The following KCNK12 variants were observed in gnomAD, a reference collection of about 807,000 sequenced individuals.
KCNK12 encodes the protein potassium two pore domain channel subfamily K member 12.
Under a neutral mutation model 25.3 loss-of-function variants are expected in KCNK12, and 6 were observed. The ratio of observed to expected loss-of-function variants is 0.24; its 90% confidence interval spans 0.13 to 0.47. The LOEUF (loss-of-function observed/expected upper bound fraction) is 0.47, where lower values mean the gene tolerates loss of function less well. KCNK12 is among the 20% of genes least tolerant of loss of function. The probability of loss-of-function intolerance (pLI) is 0.99; values close to 1 mark genes in which losing one functional copy is unlikely to be tolerated. For synonymous variants in KCNK12, 331 were observed against 311.1 expected (o/e 1.06, Z -0.67); for missense variants, 444 against 661.7 (o/e 0.67, Z 3.61).
rs1455347936 is a variant in KCNK12 at position 47,569,668 on chromosome 2, C to A, written c.391+273G>T. Among the ~76,000 whole-genome samples, 1 of 152,112 alleles carries A rather than the reference C, an allele frequency of 6.6e-6. No individual in the cohort carries two copies. Among genetic ancestry groups the A allele is most frequent in the Non-Finnish European group, 1.5e-5 (1 of 68,012 alleles). ...GTATTCTTAGAGGAGAAAACGGAGGCTCACAAAGGTCAGATCACAGAGCCG... is the reference window on the plus strand; with the variant it reads ...GTATTCTTAGAGGAGAAAACGGAGGATCACAAAGGTCAGATCACAGAGCCG... On this transcript the variant is annotated intron_variant, in intron 1 of 1. Coordinates refer to ENST00000327876, the MANE Select transcript of KCNK12 (RefSeq NM_022055.2). This position sits in a 1 kb window ranked among gnomAD's most constrained non-coding sequence, Gnocchi z 4.1.
rs1668484319 is a variant in KCNK12 at position 47,514,816 on chromosome 2, T to TGCCTAGGCTGGTCTCGAAC, written c.*6072_*6090dup. On this transcript the variant is annotated 3_prime_UTR_variant, in exon 2 of 2. Transcript: ENST00000327876. The surrounding 1 kb of genome is among the most constrained non-coding windows in gnomAD (Gnocchi z 5.0). Reference sequence around the variant, plus strand: ...TAGTAAAGACAGGGTTTCGACATGTTGCCTAGGCTGGTCTCGAACTCCTAG... The same window carrying TGCCTAGGCTGGTCTCGAAC: ...TAGTAAAGACAGGGTTTCGACATGTTGCCTAGGCTGGTCTCGAACGCCTAGGCTGGTCTCGAACTCCTAG... Among the ~76,000 whole-genome samples, 1 of 152,126 alleles carries TGCCTAGGCTGGTCTCGAAC rather than the reference T, an allele frequency of 6.6e-6. No individual in the cohort carries two copies. Among genetic ancestry groups the TGCCTAGGCTGGTCTCGAAC allele is most frequent in the Non-Finnish European group, 1.5e-5 (1 of 68,020 alleles).
chr2:47,531,201 G>C (rs550623656), intron 1 of KCNK12, among the ~76,000 whole-genome samples: 1 of 152,178 alleles, frequency 6.6e-6, no homozygotes, highest in South Asian at 2.1e-4. Flanking sequence ...GGCCGGGCAC[G>C]GTGGCTCACA....
rs1162588603 is a variant in KCNK12 at position 47,517,103 on chromosome 2, G to A, written c.*3804C>T. On this transcript the variant is annotated 3_prime_UTR_variant, in exon 2 of 2. Transcript: ENST00000327876. This position sits in a 1 kb window ranked among gnomAD's most constrained non-coding sequence, Gnocchi z 4.1. ...GATGCCCTAGGCTGGCTGTCTGGCT[G>A]TGCTTTCCAGACAGTGTGTATGTGG... The A allele has an allele frequency of 6.6e-6, 1 of 152,218 alleles. No individual in the cohort carries two copies. Among genetic ancestry groups the A allele is most frequent in the Non-Finnish European group, 1.5e-5 (1 of 68,072 alleles). 9.4% of individuals were successfully genotyped at this position (152,218 alleles called of 1,614,324 possible).
At chr2:47,535,537 T>C (rs1419773941) in intron 1 of KCNK12, among the ~76,000 whole-genome samples, 1 of 151,932 alleles carries the variant, frequency 6.6e-6, no homozygotes, top group Non-Finnish European at 1.5e-5. Flanking sequence ...GATGGGGAGG[T>C]TGATGGCCCG....
rs1441289852 is a variant in KCNK12, at chr2:47,551,852, C to CA, written c.391+18088dup. Among the ~76,000 whole-genome samples the CA allele has an allele frequency of 1.3e-5, 2 of 152,214 alleles. No homozygotes were observed. The highest frequency in any genetic ancestry group is 2.4e-5 in the African/African-American group (1 of 41,448). On this transcript the variant is annotated intron_variant, in intron 1 of 1. Transcript: ENST00000327876. The surrounding 1 kb of genome is among the most constrained non-coding windows in gnomAD (Gnocchi z 5.3). ...GTTCTGAATGACATGTGTCTCACTA[C>CA]AGTGGCATTACAGAGAAAGCCTGGA... is the stretch of plus-strand genomic sequence containing the variant.
At chr2:47,559,361 G>C (rs1030726702) in intron 1 of KCNK12, among the ~76,000 whole-genome samples, 3 of 152,184 alleles carry the variant, frequency 2.0e-5, no homozygotes, top group African/African-American at 7.2e-5. Context: ...GGCCCTGGGA[G>C]GTTCTGGAAA....
At chr2:47,526,418 AAAG>A (rs1183231498) in intron 1 of KCNK12, among the ~76,000 whole-genome samples, 8 of 149,720 alleles carry the variant, frequency 5.3e-5, no homozygotes, top group Admixed American at 1.3e-4. Flanking sequence ...AAAAAAAAAA[AAAG>A]AGAAAGAAAG....
chr2:47,516,982 C>G lies in KCNK12; in HGVS notation c.*3925G>C, dbSNP rs1668540718. ...AGGCCCTCCCTCCCTCCCTCTCCAC[C>G]CTACAAAGTGAGGAGCCTTGAGTCA... is the stretch of plus-strand genomic sequence containing the variant. On this transcript the variant is annotated 3_prime_UTR_variant, in exon 2 of 2. Coordinates refer to ENST00000327876, the MANE Select transcript of KCNK12 (RefSeq NM_022055.2). 1 of 152,158 alleles carries G rather than the reference C, an allele frequency of 6.6e-6. No individual in the cohort carries two copies. The highest frequency in any genetic ancestry group is 2.1e-4 in the South Asian group (1 of 4,818). The allele number at this position is 152,158 out of a possible 1,614,324, so 9.4% of individuals were successfully genotyped here. A position where few individuals can be genotyped will look rare whatever the true frequency, so the allele number is the denominator to read the frequency against.
chr2:47,566,421 T>C lies in KCNK12; in HGVS notation c.391+3520A>G, dbSNP rs1669788038. 6.6e-6 allele frequency: 1 copy of C among 151,558 alleles called. No individual in the cohort carries two copies. Among genetic ancestry groups the C allele is most frequent in the Non-Finnish European group, 1.5e-5 (1 of 67,840 alleles). The allele number at this position is 151,558 out of a possible 1,614,324, so 9.4% of individuals were successfully genotyped here. On this transcript the variant is annotated intron_variant, in intron 1 of 1. Coordinates refer to ENST00000327876, the MANE Select transcript of KCNK12 (RefSeq NM_022055.2). This position sits in a 1 kb window ranked among gnomAD's most constrained non-coding sequence, Gnocchi z 4.1. ...TCAAGAGTGTGTGTGTGCACGTGTGTACACACACACGTGCACACACACATA... is the reference window on the plus strand; with the variant it reads ...TCAAGAGTGTGTGTGTGCACGTGTGCACACACACACGTGCACACACACATA...
In KCNK12 at chr2:47,538,872, A is replaced by C. The variant is rs1431725115; in HGVS notation, c.392-17064T>G. 2.0e-5 allele frequency among the ~76,000 whole-genome samples: 3 copies of C among 152,222 alleles called. No homozygotes were observed. Among genetic ancestry groups the C allele is most frequent in the African/African-American group, 7.2e-5 (3 of 41,458 alleles). ...AAACCATGACTTTCATTTGATTTTA[A>C]TGTGAGGGAGAAACATAAACTAGTA... On this transcript the variant is annotated intron_variant, in intron 1 of 1. Coordinates refer to ENST00000327876, the MANE Select transcript of KCNK12 (RefSeq NM_022055.2). The surrounding 1 kb of genome is among the most constrained non-coding windows in gnomAD (Gnocchi z 4.5).
chr2:47,570,454 C>T lies in KCNK12; in HGVS notation c.-123G>A. The T allele has an allele frequency of 9.6e-7, 1 of 1,039,740 alleles. No individual in the cohort carries two copies. Among genetic ancestry groups the T allele is most frequent in the Non-Finnish European group, 1.2e-6 (1 of 825,528 alleles). The allele number at this position is 1,039,740 out of a possible 1,614,324, so 64.4% of individuals were successfully genotyped here. On this transcript the variant is annotated 5_prime_UTR_variant, in exon 1 of 2. Transcript: ENST00000327876. The stretch of plus-strand genomic sequence containing the variant: ...CCGGGGCCGCCGCGGAGCCCCTCGC[C>T]GCCTTCGCAGAGCCCCTCGTCGCCT...
intron 1 of KCNK12, among the ~76,000 whole-genome samples, chr2:47,543,018 A>G (rs1190471919): frequency 6.6e-6 from 1 of 152,084 alleles, no homozygotes; most frequent in African/African-American, 2.4e-5. Flanking sequence ...ACAGCCTCAA[A>G]CCTCTGAGCT....
At position 47,565,412 on chromosome 2, in the gene KCNK12, G is replaced by A. The variant is rs886440647; in HGVS notation, c.391+4529C>T. On this transcript the variant is annotated intron_variant, in intron 1 of 1. Transcript: ENST00000327876. This position sits in a 1 kb window ranked among gnomAD's most constrained non-coding sequence, Gnocchi z 5.0. ...AAAGTTAGGACTTGTTACTAATCTC[G>A]TGGCTGAATAATTAAGTGTGCCTAA... The A allele has an allele frequency of 3.9e-5, 6 of 152,162 alleles. No homozygotes were observed. Among genetic ancestry groups the A allele is most frequent in the Non-Finnish European group, 7.4e-5 (5 of 68,020 alleles). 9.4% of individuals were successfully genotyped at this position (152,162 alleles called of 1,614,324 possible).
chr2:47,570,436 C>G lies in KCNK12; in HGVS notation c.-105G>C. 1 of 1,131,100 alleles carries G rather than the reference C, an allele frequency of 8.8e-7. No homozygotes were observed. Among genetic ancestry groups the G allele is most frequent in the Non-Finnish European group, 1.1e-6 (1 of 907,704 alleles). 70.1% of individuals were successfully genotyped at this position (1,131,100 alleles called of 1,614,324 possible). A position where few individuals can be genotyped will look rare whatever the true frequency, so the allele number is the denominator to read the frequency against. On this transcript the variant is annotated 5_prime_UTR_variant, in exon 1 of 2. Coordinates refer to ENST00000327876, the MANE Select transcript of KCNK12 (RefSeq NM_022055.2). ...AGGATGGTGGCCAGGGGTCCGGGGC[C>G]GCCGCGGAGCCCCTCGCCGCCTTCG...
Position 47,562,377 on chromosome 2 carries a change from G to C in KCNK12, c.391+7564C>G, listed in dbSNP as rs185372680. On this transcript the variant is annotated intron_variant, in intron 1 of 1. Coordinates refer to ENST00000327876, the MANE Select transcript of KCNK12 (RefSeq NM_022055.2). This position sits in a 1 kb window ranked among gnomAD's most constrained non-coding sequence, Gnocchi z 4.8. ...TTGGAATGAGATCCTCTGGGATCTG[G>C]AGGAAGCAGATGGAGGAGAAACCCC... 27 of 351,774 alleles carry C rather than the reference G, an allele frequency of 7.7e-5. No individual in the cohort carries two copies. In the Admixed American group the frequency reaches 1.2e-3, roughly 16 times the overall value. The allele number at this position is 351,774 out of a possible 1,614,324, so 21.8% of individuals were successfully genotyped here.
At position 47,529,933 on chromosome 2, in the gene KCNK12, A is replaced by C. The variant is rs185015259; in HGVS notation, c.392-8125T>G. Among the ~76,000 whole-genome samples, 38 of 152,280 alleles carry C rather than the reference A, an allele frequency of 2.5e-4. No homozygotes were observed. Among genetic ancestry groups the C allele is most frequent in the Non-Finnish European group, 1.5e-4 (10 of 68,022 alleles). ...AATATAGTTGATTATCTGAAATTCA[A>C]ATTTCACTGGGCATGCTGTCTTTTT... On this transcript the variant is annotated intron_variant, in intron 1 of 1. Coordinates refer to ENST00000327876, the MANE Select transcript of KCNK12 (RefSeq NM_022055.2). The surrounding 1 kb of genome is among the most constrained non-coding windows in gnomAD (Gnocchi z 4.3).
Position 47,514,028 on chromosome 2 carries a change from G to C in KCNK12, c.*6879C>G, listed in dbSNP as rs546040696. 6.6e-6 allele frequency among the ~76,000 whole-genome samples: 1 copy of C among 152,282 alleles called. No individual in the cohort carries two copies. The highest frequency in any genetic ancestry group is 1.9e-4 in the East Asian group (1 of 5,174). On this transcript the variant is annotated 3_prime_UTR_variant, in exon 2 of 2. Coordinates refer to ENST00000327876, the MANE Select transcript of KCNK12 (RefSeq NM_022055.2). The surrounding 1 kb of genome is among the most constrained non-coding windows in gnomAD (Gnocchi z 5.0). ...GGATTAGGCGAAAAGTCTTTGCTTT[G>C]TTTTACAAGGCCCTTCGCTATCTGG...
In KCNK12 at chr2:47,512,191, A is replaced by T; in HGVS notation, c.*8716T>A. The T allele has an allele frequency of 5.3e-6, 7 of 1,309,756 alleles. No individual in the cohort carries two copies. Among genetic ancestry groups the T allele is most frequent in the Non-Finnish European group, 7.2e-6 (7 of 966,038 alleles). The allele number at this position is 1,309,756 out of a possible 1,614,324, so 81.1% of individuals were successfully genotyped here. ...CCAGTCCATGGAGAAAAAAGAATTG[A>T]ACAAACTGTCTAAGCTGGGTCAGGT... On this transcript the variant is annotated 3_prime_UTR_variant, in exon 2 of 2. Coordinates refer to ENST00000327876, the MANE Select transcript of KCNK12 (RefSeq NM_022055.2).
chr2:47,561,410 C>G (rs890792552), intron 1 of KCNK12, among the ~76,000 whole-genome samples: 4 of 152,234 alleles, frequency 2.6e-5, no homozygotes, highest in African/African-American at 7.2e-5. Context: ...AAGTACCCTT[C>G]CAGGCTGGTT....
Sources: gnomAD v4.1 joint callset for allele counts (sites outside exome capture counted in the v4.1 genomes callset) on GRCh38, gnomAD v4.1.1 for gene constraint, Gnocchi (gnomAD v3.1) non-coding constraint, MANE v1.5 for transcripts, NCBI Gene and HGNC (gene_info 2026-07-23, HGNC 2026-07-21) for gene names.